The following PCDH15 variants were observed in gnomAD, a reference collection of about 807,000 sequenced individuals.
The protein encoded by PCDH15 is protocadherin related 15.
PCDH15 carries 129 observed loss-of-function variants against 178.5 expected under a neutral mutation model. The ratio of observed to expected loss-of-function variants is 0.72; its 90% CI spans 0.63 to 0.84. The LOEUF (loss-of-function observed/expected upper bound fraction) is 0.84. Among genes scored for constraint, PCDH15 ranks in the 40% least tolerant of loss-of-function variants. PCDH15 has a pLI of 0.00. For missense variants in PCDH15, 2,230 were observed against 2,099.9 expected (o/e 1.06, Z -1.21); for synonymous variants, 800 against 732.0 (o/e 1.09, Z -1.50).
chr10:54,753,404 G>A (rs532589270), intron 1 of PCDH15, among the ~76,000 whole-genome samples: 1 of 151,968 alleles, frequency 6.6e-6, no homozygotes, highest in Non-Finnish European at 1.5e-5. Flanking sequence ...GGCTGGTCTC[G>A]AACTCCTGAC....
chr10:55,094,333 T>C (rs543172926), intron 2 of PCDH15, among the ~76,000 whole-genome samples: 2 of 152,000 alleles, frequency 1.3e-5, no homozygotes, highest in African/African-American at 4.8e-5. Flanking sequence ...TAGGTGGGAA[T>C]TGAACACTGA....
At chr10:54,072,055 AAAG>A (rs970040894) in intron 17 of PCDH15, among the ~76,000 whole-genome samples, 66 of 152,168 alleles carry the variant, frequency 4.3e-4, no homozygotes, top group African/African-American at 1.4e-3. Flanking sequence ...ATGTCTGAAA[AAAG>A]AAGAGCTAGA....
intron 20 of PCDH15, among the ~76,000 whole-genome samples, chr10:54,007,989 C>A (rs1388777119): frequency 6.6e-6 from 1 of 152,032 alleles, no homozygotes; most frequent in Non-Finnish European, 1.5e-5. Flanking sequence ...GTACTCCATT[C>A]TTCTCTTAAA....
rs1178326987 is a variant in PCDH15 at position 54,772,687 on chromosome 10, C to T, written c.-29+28238G>A. On this transcript the variant is annotated intron_variant, in intron 1 of 37. Coordinates refer to ENST00000644397, the MANE Select transcript of PCDH15 (RefSeq NM_001384140.1). ...TGGTGGGAGTGTAAATTATTTCAAC[C>T]ATTGTGGAAGACAGGGTGGCGATTC... Among the ~76,000 whole-genome samples the T allele has an allele frequency of 2.0e-5, 3 of 152,086 alleles. No homozygotes were observed. In the East Asian group the frequency reaches 5.8e-4, roughly 29 times the overall value.
At chr10:54,905,229 A>AT (rs1209466838) in intron 2 of PCDH15, among the ~76,000 whole-genome samples, 7 of 152,044 alleles carry the variant, frequency 4.6e-5, no homozygotes, top group African/African-American at 7.2e-5. Context: ...ATTTCTTTTT[A>AT]TTTTCTCTCA....
At chr10:54,121,069 A>C (rs1307271454) in intron 15 of PCDH15, among the ~76,000 whole-genome samples, 2 of 137,946 alleles carry the variant, frequency 1.4e-5, no homozygotes, top group African/African-American at 5.0e-5. Context: ...AATGAAAAAA[A>C]AAAAAGAAAT....
At chr10:53,822,843 G>A in intron 32 of PCDH15, 1 of 1,614,066 alleles carries the variant, frequency 6.2e-7, no homozygotes, top group Non-Finnish European at 8.5e-7. Context: ...TGCCTCTTCA[G>A]TTGTAAGCAA....
intron 3 of PCDH15, among the ~76,000 whole-genome samples, chr10:54,453,944 T>C (rs2076645139): frequency 1.3e-5 from 2 of 152,024 alleles, no homozygotes; most frequent in South Asian, 4.1e-4. Context: ...AGGTAATTTG[T>C]TACGGCAGCT....
Position 54,380,413 on chromosome 10 carries a change from T to C in PCDH15, c.158-1471A>G, listed in dbSNP as rs75174579. On this transcript the variant is annotated intron_variant, in intron 3 of 37. Transcript: ENST00000644397. ...GCCTATAAATATGTTCAAGAATGTA[T>C]ATATATTCAAGGCCCCAGTACATAC... is the stretch of plus-strand genomic sequence containing the variant. Among the ~76,000 whole-genome samples, 535 of 151,578 alleles carry C rather than the reference T, an allele frequency of 3.5e-3. 23 individuals carry two copies. In the East Asian group the frequency reaches 0.092, roughly 26 times the overall value.
chr10:54,847,978 T>A (rs971099771), intron 3 of PCDH15, among the ~76,000 whole-genome samples: 2 of 152,144 alleles, frequency 1.3e-5, no homozygotes, highest in African/African-American at 4.8e-5. Flanking sequence ...CCTCCAAAAC[T>A]CATGTTGAGA....
At chr10:55,056,485 A>G (rs1031235118) in intron 2 of PCDH15, among the ~76,000 whole-genome samples, 12 of 151,360 alleles carry the variant, frequency 7.9e-5, no homozygotes, top group African/African-American at 2.9e-4. Flanking sequence ...CAATTTAAGT[A>G]GGTGCTCCTC....
chr10:54,060,786 G>A (rs1478216131), intron 18 of PCDH15, among the ~76,000 whole-genome samples: 3 of 152,178 alleles, frequency 2.0e-5, no homozygotes, highest in Non-Finnish European at 4.4e-5. Flanking sequence ...TCTAGTGACA[G>A]GATGAACCAA....
Position 54,845,137 on chromosome 10 carries a change from CT to C in PCDH15, c.-29+52312del, listed in dbSNP as rs573681693. On this transcript the variant is annotated intron_variant, in intron 3 of 5. Transcript: ENST00000458638. ...AGCCTTTTTTTCTTTTTTCTTTTTT[CT>C]TTTTTTTGCAATGTGCTTAATTACT... Among the ~76,000 whole-genome samples, 10 of 149,686 alleles carry C rather than the reference CT, an allele frequency of 6.7e-5. No homozygotes were observed. In the South Asian group the frequency reaches 1.9e-3, roughly 28 times the overall value.
At chr10:54,335,513 A>C (rs1328408017) in intron 6 of PCDH15, among the ~76,000 whole-genome samples, 1 of 152,150 alleles carries the variant, frequency 6.6e-6, no homozygotes, top group Non-Finnish European at 1.5e-5. Context: ...GTGTGAGATA[A>C]TTGAATCATG....
chr10:55,551,815 T>A (rs1350728054), intron 2 of PCDH15, among the ~76,000 whole-genome samples: 1 of 151,832 alleles, frequency 6.6e-6, no homozygotes, highest in East Asian at 1.9e-4. Flanking sequence ...AGAGGAATAA[T>A]GTGACTTTAA....
intron 2 of PCDH15, among the ~76,000 whole-genome samples, chr10:55,523,700 T>C (rs1207056487): frequency 6.6e-6 from 1 of 151,640 alleles, no homozygotes; most frequent in Non-Finnish European, 1.5e-5. Context: ...TCTATTTCCA[T>C]GAGTTCAACC....
intron 29 of PCDH15, among the ~76,000 whole-genome samples, chr10:53,833,547 T>C (rs10763010): frequency 0.38 from 58,300 of 151,902 alleles, 11,868 homozygotes; most frequent in East Asian, 0.75. Flanking sequence ...AAATGAGATA[T>C]GCAGGGCTTA....
intron 2 of PCDH15, among the ~76,000 whole-genome samples, chr10:55,530,649 G>A (rs1315017948): frequency 1.3e-5 from 2 of 151,888 alleles, no homozygotes; most frequent in Non-Finnish European, 2.9e-5. Context: ...GTGGGAAACT[G>A]TTCCCCATGA....
At chr10:54,201,123 G>A (rs1441432034) in intron 10 of PCDH15, among the ~76,000 whole-genome samples, 1 of 152,128 alleles carries the variant, frequency 6.6e-6, no homozygotes, top group East Asian at 1.9e-4. Context: ...GAAACTTGGA[G>A]GCACCTCTTG....
Sources: allele counts gnomAD v4.1 joint callset (sites outside exome capture counted in the v4.1 genomes callset), GRCh38; gene constraint gnomAD v4.1.1; transcripts MANE v1.5; gene names NCBI Gene and HGNC (gene_info 2026-07-23, HGNC 2026-07-21).